The following L3MBTL4 variants were observed in gnomAD, a reference collection of about 807,000 sequenced individuals.
L3MBTL4 encodes L3MBTL histone methyl-lysine binding protein 4, also known as lethal(3)malignant brain tumor-like protein 4.
In L3MBTL4, 70 loss-of-function variants were observed where a neutral mutation model predicts 84.5. The ratio of observed to expected loss-of-function variants is 0.83; its 90% CI spans 0.68 to 1.01. The LOEUF is 1.01. Ranked by LOEUF, L3MBTL4 falls within the 50% of genes least tolerant of loss-of-function variation. The pLI, the probability that L3MBTL4 is intolerant of heterozygous loss-of-function variation, is 0.00. For synonymous variants in L3MBTL4, 274 were observed against 259.8 expected (o/e 1.05, Z -0.52); for missense variants, 715 against 754.8 (o/e 0.95, Z 0.62).
At chr18:6,029,769 T>A in intron 16 of L3MBTL4, 2 of 985,318 alleles carry the variant, frequency 2.0e-6, no homozygotes, top group Non-Finnish European at 2.4e-6. Context: ...TGGAAAAAAG[T>A]TGTACCAGAA....
chr18:6,090,686 G>C (rs1371931430), intron 15 of L3MBTL4, among the ~76,000 whole-genome samples: 1 of 147,120 alleles, frequency 6.8e-6, no homozygotes, highest in African/African-American at 2.5e-5. Flanking sequence ...AGAATGCAAT[G>C]GTGTGATAGC....
intron 16 of L3MBTL4, among the ~76,000 whole-genome samples, chr18:6,025,717 C>T (rs948837065): frequency 6.6e-6 from 1 of 152,176 alleles, no homozygotes; most frequent in African/African-American, 2.4e-5. Flanking sequence ...CATCGCAGGT[C>T]ATTAGGCATT....
At chr18:6,415,045 C>T (rs1253462715), upstream of L3MBTL4, 1 of 152,176 alleles carries the variant, frequency 6.6e-6, no homozygotes, top group African/African-American at 2.4e-5. Context: ...GGCGCTGGGC[C>T]CGCCGAGGTC....
At position 6,290,449 on chromosome 18, in the gene L3MBTL4, T is replaced by C. The variant is rs115794050; in HGVS notation, c.127+11454A>G. On this transcript the variant is annotated intron_variant, in intron 4 of 18. Coordinates refer to ENST00000317931, the MANE Select transcript of L3MBTL4 (RefSeq NM_001330559.2). ...TTTCCATTTAATTCTCTGTATTGCT[T>C]TTCACAGCTTTTTGATTATCACTAT... Among the ~76,000 whole-genome samples, 818 of 152,308 alleles carry C rather than the reference T, an allele frequency of 5.4e-3. 6 individuals are homozygous for C. Among genetic ancestry groups the C allele is most frequent in the African/African-American group, 0.019 (783 of 41,580 alleles).
intron 14 of L3MBTL4, among the ~76,000 whole-genome samples, chr18:6,105,706 T>C (rs115215341): frequency 0.022 from 3,364 of 150,656 alleles, 118 homozygotes; most frequent in African/African-American, 0.078. Flanking sequence ...AGGCTAAGCC[T>C]GGAGAATCAC....
intron 5 of L3MBTL4, among the ~76,000 whole-genome samples, chr18:6,262,965 G>T (rs1263026877): frequency 2.0e-5 from 3 of 152,150 alleles, no homozygotes; most frequent in African/African-American, 7.2e-5. Flanking sequence ...CAAATAAAAA[G>T]TTGTAGTTTC....
At chr18:6,199,513 T>C (rs1232913822) in intron 12 of L3MBTL4, among the ~76,000 whole-genome samples, 2 of 152,304 alleles carry the variant, frequency 1.3e-5, no homozygotes, top group African/African-American at 2.4e-5. Flanking sequence ...ATGGGATTAC[T>C]GTATAGAGAC....
At position 5,989,513 on chromosome 18, in the gene L3MBTL4, G is replaced by C. The variant is rs115553740; in HGVS notation, c.1445-19951C>G. ...CTTTAAAAGCAGTGTGCTAAATGAA[G>C]GACAGTTTAAATCCACAGATGTAAA... On this transcript the variant is annotated intron_variant, in intron 16 of 18. Coordinates refer to ENST00000317931, the MANE Select transcript of L3MBTL4 (RefSeq NM_001330559.2). Among the ~76,000 whole-genome samples, 492 of 152,256 alleles carry C rather than the reference G, an allele frequency of 3.2e-3. 3 individuals are homozygous for C. The highest frequency in any genetic ancestry group is 0.011 in the African/African-American group (461 of 41,548).
intron 16 of L3MBTL4, among the ~76,000 whole-genome samples, chr18:6,009,013 G>A (rs755474631): frequency 1.5e-4 from 23 of 152,232 alleles, no homozygotes; most frequent in Middle Eastern, 3.4e-3. Context: ...ATTCTTGTTC[G>A]GCACAAGTGG....
At chr18:6,255,403 C>T (rs1252779078) in intron 5 of L3MBTL4, among the ~76,000 whole-genome samples, 1 of 152,216 alleles carries the variant, frequency 6.6e-6, no homozygotes, top group East Asian at 1.9e-4. Context: ...CTGGTACTTT[C>T]AATCACCATT....
rs147910865 is a variant in L3MBTL4 at position 6,352,755 on chromosome 18, T to C, written c.-90-40699A>G. ...AATTTATCTATTTCTTAGCTGTCTTTCCTATGTGCTGAGAACCTTAAAGAA... is the reference window on the plus strand; with the variant it reads ...AATTTATCTATTTCTTAGCTGTCTTCCCTATGTGCTGAGAACCTTAAAGAA... On this transcript the variant is annotated intron_variant, in intron 1 of 18. Coordinates refer to ENST00000317931, the MANE Select transcript of L3MBTL4 (RefSeq NM_001330559.2). 6.7e-3 allele frequency among the ~76,000 whole-genome samples: 1,014 copies of C among 152,298 alleles called. 10 individuals carry two copies. The highest frequency in any genetic ancestry group is 0.011 in the Admixed American group (162 of 15,306).
chr18:6,104,398 T>C (rs911460108), intron 14 of L3MBTL4, among the ~76,000 whole-genome samples: 3 of 151,738 alleles, frequency 2.0e-5, no homozygotes, highest in African/African-American at 7.3e-5. Flanking sequence ...TAAGCCTTAA[T>C]AAAAAGGGAA....
At chr18:6,337,985 A>G (rs1408764659) in intron 1 of L3MBTL4, among the ~76,000 whole-genome samples, 1 of 152,124 alleles carries the variant, frequency 6.6e-6, no homozygotes, top group Non-Finnish European at 1.5e-5. Context: ...AAGCCATAAG[A>G]CAATAGAATG....
At chr18:6,091,747 T>C (rs1477870056) in intron 15 of L3MBTL4, among the ~76,000 whole-genome samples, 1 of 152,180 alleles carries the variant, frequency 6.6e-6, no homozygotes, top group Non-Finnish European at 1.5e-5. Flanking sequence ...AGTTCAAAGA[T>C]CTGTTTCATT....
At chr18:6,328,317 C>T (rs1329909152) in intron 1 of L3MBTL4, among the ~76,000 whole-genome samples, 32 of 152,090 alleles carry the variant, frequency 2.1e-4, no homozygotes, top group Admixed American at 2.1e-3. Context: ...ATGTGACTAG[C>T]TGGTAGCAGA....
intron 12 of L3MBTL4, among the ~76,000 whole-genome samples, chr18:6,211,285 T>C (rs2046093650): frequency 6.6e-6 from 1 of 152,130 alleles, no homozygotes; most frequent in South Asian, 2.1e-4. Flanking sequence ...ACAGTCAGAG[T>C]GCCAAGGTAC....
At chr18:6,018,565 C>T (rs1241509439) in intron 16 of L3MBTL4, among the ~76,000 whole-genome samples, 2 of 152,180 alleles carry the variant, frequency 1.3e-5, no homozygotes, top group Non-Finnish European at 2.9e-5. Flanking sequence ...GAAAGACGTT[C>T]CGTGTGCTGT....
At chr18:6,107,250 A>G (rs1197773456) in intron 14 of L3MBTL4, among the ~76,000 whole-genome samples, 1 of 152,186 alleles carries the variant, frequency 6.6e-6, no homozygotes, top group Non-Finnish European at 1.5e-5. Context: ...ACTAGCCTCA[A>G]TCAGTTCAAG....
chr18:6,030,694 AT>A, intron 16 of L3MBTL4: 1 of 969,740 alleles, frequency 1.0e-6, no homozygotes, highest in South Asian at 4.8e-5. Flanking sequence ...ATTTGTTTCA[AT>A]TTTTTCTTTG....
Sources: allele counts gnomAD v4.1 joint callset (sites outside exome capture counted in the v4.1 genomes callset), GRCh38; gene constraint gnomAD v4.1.1; transcripts MANE v1.5; gene names NCBI Gene and HGNC (gene_info 2026-07-23, HGNC 2026-07-21).